The following SPPL2A variants were observed in gnomAD, a reference collection of about 807,000 sequenced individuals.
SPPL2A encodes the protein signal peptide peptidase-like 2A.
Under a neutral mutation model 63.8 loss-of-function variants are expected in SPPL2A, and 51 were observed. That is an observed-to-expected ratio of 0.80 (90% CI 0.64 to 1.01). The LOEUF (loss-of-function observed/expected upper bound fraction) is 1.01. Among genes scored for constraint, SPPL2A ranks in the 50% least tolerant of loss-of-function variants. The pLI, the probability that SPPL2A is intolerant of heterozygous loss-of-function variation, is 0.00. For missense variants in SPPL2A, 553 were observed against 622.7 expected, an observed-to-expected ratio of 0.89 and a Z score of 1.19; for synonymous variants, 188 against 205.8, an observed-to-expected ratio of 0.91 and a Z score of 0.74.
rs2062770785 is a variant in SPPL2A at position 50,736,285 on chromosome 15, G to A, written c.831-83C>T. 4 of 780,240 alleles carry A rather than the reference G, an allele frequency of 5.1e-6. 1 individual carries two copies. The highest frequency in any genetic ancestry group is 8.7e-6 in the Non-Finnish European group (4 of 458,436). The allele number at this position is 780,240 out of a possible 1,614,324, so 48.3% of individuals were successfully genotyped here. The stretch of plus-strand genomic sequence containing the variant: ...TAAGAAGTAGCAAATATTAACCACA[G>A]TCATAAGAAGTGACTGAAATATCAA... On this transcript the variant is annotated intron_variant, in intron 7 of 14. Transcript: ENST00000261854.
chr15:50,738,629 A>G (rs1241714352), intron 6 of SPPL2A, among the ~76,000 whole-genome samples: 1 of 151,856 alleles, frequency 6.6e-6, no homozygotes, highest in Admixed American at 6.6e-5. Context: ...TGCTATACAC[A>G]TAAGCATGGT....
intron 12 of SPPL2A, 72 bp downstream of exon 12, chr15:50,725,149 A>G: frequency 1.1e-6 from 1 of 920,890 alleles, no homozygotes; most frequent in Non-Finnish European, 1.8e-6. Context: ...AACTTTTAAC[A>G]GATTCTATAC....
chr15:50,764,251 T>A (rs985562436), intron 1 of SPPL2A, among the ~76,000 whole-genome samples: 6 of 152,242 alleles, frequency 3.9e-5, no homozygotes, highest in African/African-American at 1.4e-4. Flanking sequence ...ATCTACATAC[T>A]ATCTGAATAT....
intron 12 of SPPL2A, among the ~76,000 whole-genome samples, chr15:50,724,186 C>T (rs531486879): frequency 6.6e-6 from 1 of 152,302 alleles, no homozygotes; most frequent in South Asian, 2.1e-4. Context: ...TTTTCTCTCT[C>T]TACCTGGTTT....
chr15:50,710,973 A>G (rs1441355168), intron 14 of SPPL2A, among the ~76,000 whole-genome samples: 1 of 152,134 alleles, frequency 6.6e-6, no homozygotes, highest in Non-Finnish European at 1.5e-5. Flanking sequence ...ACTCCTTTTC[A>G]TTGTGCTATA....
Position 50,703,009 on chromosome 15 carries a change from G to C in SPPL2A, c.*4791C>G, listed in dbSNP as rs954733941. On this transcript the variant is annotated 3_prime_UTR_variant, in exon 15 of 15. Coordinates refer to ENST00000261854, the MANE Select transcript of SPPL2A (RefSeq NM_032802.4). ...TTGATTCAGATCTCTTGAATTTACA[G>C]AGTACTTTTCCTCCAGGAAATGTAT... The C allele has an allele frequency of 4.6e-5, 7 of 151,930 alleles. No individual in the cohort carries two copies. The highest frequency in any genetic ancestry group is 1.7e-4 in the African/African-American group (7 of 41,386). 9.4% of individuals were successfully genotyped at this position (151,930 alleles called of 1,614,324 possible). A position where few individuals can be genotyped will look rare whatever the true frequency, so the allele number is the denominator to read the frequency against.
At chr15:50,759,570 C>T (rs1178031043) in intron 1 of SPPL2A, among the ~76,000 whole-genome samples, 1 of 151,978 alleles carries the variant, frequency 6.6e-6, no homozygotes, top group East Asian at 1.9e-4. Flanking sequence ...GGTGAAACCC[C>T]GTCTCTACTA....
At chr15:50,759,111 G>A (rs868124451) in intron 1 of SPPL2A, among the ~76,000 whole-genome samples, 13 of 151,786 alleles carry the variant, frequency 8.6e-5, no homozygotes, top group South Asian at 2.1e-4. Flanking sequence ...ATTATACTGC[G>A]CAGCCTGGCC....
rs8035452 is a variant in SPPL2A at position 50,748,601 on chromosome 15, T to C, written c.360+87A>G. The C allele has an allele frequency of 0.37, 327,212 of 893,232 alleles. 61,960 individuals carry two copies. The highest frequency in any genetic ancestry group is 0.57 in the East Asian group (20,443 of 35,950). 55.3% of individuals were successfully genotyped at this position (893,232 alleles called of 1,614,324 possible). A position where few individuals can be genotyped will look rare whatever the true frequency, so the allele number is the denominator to read the frequency against. On this transcript the variant is annotated intron_variant, in intron 3 of 14. Coordinates refer to ENST00000261854, the MANE Select transcript of SPPL2A (RefSeq NM_032802.4). The stretch of plus-strand genomic sequence containing the variant: ...ATCAGATCATTCAAAACTCAGCCTC[T>C]AAACCACACACAAAGACGTTAATTC...
At chr15:50,716,024 G>A (rs755959951) in intron 14 of SPPL2A, among the ~76,000 whole-genome samples, 1 of 151,938 alleles carries the variant, frequency 6.6e-6, no homozygotes, top group African/African-American at 2.4e-5. Flanking sequence ...AAAAGAAAGA[G>A]AACTATTTAT....
At chr15:50,713,265 AG>A (rs1431139710) in intron 14 of SPPL2A, among the ~76,000 whole-genome samples, 2 of 149,810 alleles carry the variant, frequency 1.3e-5, no homozygotes, top group African/African-American at 5.0e-5. Flanking sequence ...CTCTTTCCTG[AG>A]TATTTTTTTT....
At chr15:50,750,052 T>C (rs1036094198) in intron 1 of SPPL2A, among the ~76,000 whole-genome samples, 8 of 152,220 alleles carry the variant, frequency 5.3e-5, no homozygotes, top group Middle Eastern at 3.2e-3. Flanking sequence ...TTTCAATACT[T>C]GACAGCTGGA....
At chr15:50,735,690 C>G (rs1020618442) in intron 8 of SPPL2A, among the ~76,000 whole-genome samples, 1 of 152,116 alleles carries the variant, frequency 6.6e-6, no homozygotes, top group Non-Finnish European at 1.5e-5. Flanking sequence ...ATTCTCCTGC[C>G]TCAGCCTCCC....
At chr15:50,713,681 T>A (rs1567148660) in intron 14 of SPPL2A, among the ~76,000 whole-genome samples, 2 of 152,144 alleles carry the variant, frequency 1.3e-5, no homozygotes, top group Non-Finnish European at 2.9e-5. Context: ...CTAAACATAA[T>A]TTTTTCTCTG....
chr15:50,739,642 T>C (rs983848707), intron 6 of SPPL2A, 38 bp downstream of exon 6: 2 of 1,412,480 alleles, frequency 1.4e-6, no homozygotes, highest in African/African-American at 3.0e-5. Context: ...GAAAAGAATG[T>C]ATGTTAACAG....
At chr15:50,722,406 A>G (rs1445966946) in intron 12 of SPPL2A, among the ~76,000 whole-genome samples, 2 of 152,250 alleles carry the variant, frequency 1.3e-5, no homozygotes, top group Non-Finnish European at 2.9e-5. Flanking sequence ...AAGCTATTAA[A>G]TAGTTTTTAA....
chr15:50,765,620 C>T lies in SPPL2A; in HGVS notation c.-87G>A. 1.0e-6 allele frequency: 1 copy of T among 978,286 alleles called. No individual in the cohort carries two copies. Among genetic ancestry groups the T allele is most frequent in the Non-Finnish European group, 1.4e-6 (1 of 730,796 alleles). The allele number at this position is 978,286 out of a possible 1,614,324, so 60.6% of individuals were successfully genotyped here. A position where few individuals can be genotyped will look rare whatever the true frequency, so the allele number is the denominator to read the frequency against. ...TCGGAGTCCCGCCGCTGCGCTGCCT[C>T]CGTGGCCGGACCGGACCGGACAGGC... is the stretch of plus-strand genomic sequence containing the variant. On this transcript the variant is annotated 5_prime_UTR_variant, in exon 1 of 15. Transcript: ENST00000261854.
Position 50,718,803 on chromosome 15 carries a change from G to A in SPPL2A, c.1488+1137C>T, listed in dbSNP as rs57974118. Among the ~76,000 whole-genome samples, 23 of 152,190 alleles carry A rather than the reference G, an allele frequency of 1.5e-4. No homozygotes were observed. The East Asian group carries it at 4.4e-3, about 29-fold the overall frequency. Reference sequence around the variant, plus strand: ...TGACATGAAAGACCAAGCACAAGATGGACATGGACTTTGAACTGTTTATCT... The same window carrying A: ...TGACATGAAAGACCAAGCACAAGATAGACATGGACTTTGAACTGTTTATCT... On this transcript the variant is annotated intron_variant, in intron 14 of 14. Coordinates refer to ENST00000261854, the MANE Select transcript of SPPL2A (RefSeq NM_032802.4).
intron 5 of SPPL2A, among the ~76,000 whole-genome samples, chr15:50,742,347 G>A (rs528360748): frequency 4.0e-5 from 6 of 151,616 alleles, no homozygotes; most frequent in Non-Finnish European, 8.8e-5. Flanking sequence ...CCAAGATCGC[G>A]CCATTGCACT....
Sources: gnomAD v4.1 joint callset for allele counts (sites outside exome capture counted in the v4.1 genomes callset) on GRCh38, gnomAD v4.1.1 for gene constraint, MANE v1.5 for transcripts, NCBI Gene and HGNC (gene_info 2026-07-23, HGNC 2026-07-21) for gene names.